Variants in ASB15 observed in about 807,000 individuals in gnomAD.
ASB15 encodes ankyrin repeat and SOCS box containing 15.
Under a neutral mutation model 58.0 loss-of-function variants are expected in ASB15, and 54 were observed. The observed-to-expected ratio is 0.93, with a 90% CI of 0.75 to 1.17. The LOEUF is 1.17. ASB15 is among the 50% of genes most tolerant of loss of function. ASB15 has a pLI of 0.00. For synonymous variants in ASB15, 249 were observed against 262.4 expected, an observed-to-expected ratio of 0.95 and a Z score of 0.50; for missense variants, 680 against 707.4, an observed-to-expected ratio of 0.96 and a Z score of 0.44.
chr7:123,615,281 A>G (rs1298907787), intron 4 of ASB15: 2 of 152,194 alleles, frequency 1.3e-5, no homozygotes, highest in Admixed American at 1.3e-4. Context: ...AAAACACATT[A>G]TACGTCTGAG....
intron 7 of ASB15, among the ~76,000 whole-genome samples, chr7:123,623,395 G>C (rs544617036): frequency 2.0e-5 from 3 of 152,218 alleles, no homozygotes; most frequent in East Asian, 1.9e-4. Context: ...AATCCAAAAG[G>C]GGAAAACCTT....
At chr7:123,609,794 G>A (rs1358703920) in intron 3 of ASB15, among the ~76,000 whole-genome samples, 1 of 152,186 alleles carries the variant, frequency 6.6e-6, no homozygotes, top group East Asian at 1.9e-4. Context: ...TTTACAGGAA[G>A]GCATTAGCTC....
intron 1 of ASB15, among the ~76,000 whole-genome samples, chr7:123,592,484 G>A (rs1042929310): frequency 6.6e-6 from 1 of 152,130 alleles, no homozygotes; most frequent in Non-Finnish European, 1.5e-5. Flanking sequence ...GGTACGTTGT[G>A]TCTTTGTTCT....
intron 11 of ASB15, among the ~76,000 whole-genome samples, chr7:123,630,829 A>G (rs894755941): frequency 6.6e-6 from 1 of 152,236 alleles, no homozygotes; most frequent in Non-Finnish European, 1.5e-5. Flanking sequence ...AGAATTTTAT[A>G]TGACATTTAA....
At chr7:123,574,527 T>C (rs1799010474) in intron 1 of ASB15, among the ~76,000 whole-genome samples, 1 of 152,180 alleles carries the variant, frequency 6.6e-6, no homozygotes, top group African/African-American at 2.4e-5. Context: ...TGAACCACAC[T>C]TTAAGAACCG....
chr7:123,589,770 C>T (rs577882061), intron 1 of ASB15, among the ~76,000 whole-genome samples: 9 of 152,192 alleles, frequency 5.9e-5, no homozygotes, highest in Admixed American at 5.9e-4. Context: ...AAGAGGGCCA[C>T]AATAAACATA....
At chr7:123,574,864 C>G (rs2116288180) in intron 1 of ASB15, among the ~76,000 whole-genome samples, 1 of 151,914 alleles carries the variant, frequency 6.6e-6, no homozygotes, top group East Asian at 1.9e-4. Flanking sequence ...TTTATTTTTT[C>G]TATTTCAGTC....
At position 123,624,772 on chromosome 7, in the gene ASB15, G is replaced by A. The variant is rs749905829; in HGVS notation, c.655G>A (p.Glu219Lys). The A allele has an allele frequency of 9.9e-6, 16 of 1,613,852 alleles. No homozygotes were observed. The highest frequency in any genetic ancestry group is 1.2e-5 in the Non-Finnish European group (14 of 1,179,886). Residue 219 changes from glutamate to lysine, a missense_variant, in exon 8 of 12, where the codon GAG becomes AAG. Transcript: ENST00000451215. ...FGVTPLGVAA[E>K]YGHCDVLEHL... is the part of the protein sequence containing the mutation. ...AGTCACACCACTAGGCGTCGCTGCC[G>A]AGTATGGTCACTGTGACGTGTTAGA...
intron 1 of ASB15, among the ~76,000 whole-genome samples, chr7:123,603,244 C>T (rs187760535): frequency 2.0e-5 from 3 of 152,228 alleles, no homozygotes; most frequent in Non-Finnish European, 4.4e-5. Context: ...GTGTCTAGCC[C>T]TGTGCCTGGA....
intron 1 of ASB15, among the ~76,000 whole-genome samples, chr7:123,579,787 C>T (rs1799174755): frequency 6.6e-6 from 1 of 151,980 alleles, no homozygotes; most frequent in Non-Finnish European, 1.5e-5. Flanking sequence ...AGACTCCCAG[C>T]TTGTCATTAT....
chr7:123,616,612 T>C, intron 6 of ASB15, 117 bp downstream of exon 6: 1 of 1,254,892 alleles, frequency 8.0e-7, no homozygotes, highest in East Asian at 2.7e-5. Context: ...AAAATATTAT[T>C]TGGAATTTGA....
Position 123,639,288 on chromosome 7 carries a change from T to A in ASB15, c.*2307T>A, listed in dbSNP as rs1273489674. Reference sequence around the variant, plus strand: ...TATTCCCTAGAGGATATATTTTATATGTAAGTTAAACTGTAATGTATTTAT... The same window carrying A: ...TATTCCCTAGAGGATATATTTTATAAGTAAGTTAAACTGTAATGTATTTAT... On this transcript the variant is annotated 3_prime_UTR_variant, in exon 12 of 12. Transcript: ENST00000451215. 6.6e-6 allele frequency: 1 copy of A among 152,212 alleles called. No homozygotes were observed. The highest frequency in any genetic ancestry group is 1.5e-5 in the Non-Finnish European group (1 of 68,024). The allele number at this position is 152,212 out of a possible 1,614,324, so 9.4% of individuals were successfully genotyped here. A position where few individuals can be genotyped will look rare whatever the true frequency, so the allele number is the denominator to read the frequency against.
chr7:123,630,218 T>C, intron 11 of ASB15, 99 bp downstream of exon 11: 1 of 849,576 alleles, frequency 1.2e-6, no homozygotes, highest in Non-Finnish European at 1.7e-6. Flanking sequence ...GCTACTCTAC[T>C]GTATTTCCAG....
Position 123,637,861 on chromosome 7 carries a change from CAT to C in ASB15, c.*881_*882del, listed in dbSNP as rs1273191684. 1.7e-5 allele frequency: 1 copy of C among 59,660 alleles called. No individual in the cohort carries two copies. Among genetic ancestry groups the C allele is most frequent in the African/African-American group, 5.8e-5 (1 of 17,250 alleles). The allele number at this position is 59,660 out of a possible 1,614,324, so 3.7% of individuals were successfully genotyped here. On this transcript the variant is annotated 3_prime_UTR_variant, in exon 12 of 12. Coordinates refer to ENST00000451215, the MANE Select transcript of ASB15 (RefSeq NM_001290258.2). The stretch of plus-strand genomic sequence containing the variant: ...GAACACAAAGACACCTCAAATTCAA[CAT>C]GTCCCCAGATGAACTAAAAAAAAAA...
intron 1 of ASB15, among the ~76,000 whole-genome samples, chr7:123,578,645 TGAGA>T (rs931023359): frequency 1.6e-4 from 25 of 152,242 alleles, no homozygotes; most frequent in African/African-American, 5.8e-4. Flanking sequence ...TCTGAGCTAA[TGAGA>T]GAGATTGCTG....
upstream of ASB15, among the ~76,000 whole-genome samples, chr7:123,597,613 C>T (rs1446043425): frequency 6.6e-6 from 1 of 152,110 alleles, no homozygotes; most frequent in African/African-American, 2.4e-5. Flanking sequence ...GGGCAGATCA[C>T]TTGAGGTCAG....
chr7:123,618,329 A>T (rs1265750638), intron 7 of ASB15, among the ~76,000 whole-genome samples: 2 of 152,222 alleles, frequency 1.3e-5, no homozygotes, highest in African/African-American at 4.8e-5. Flanking sequence ...GCAGAGAGTG[A>T]TAAGATTAAC....
intron 1 of ASB15, among the ~76,000 whole-genome samples, chr7:123,572,204 C>T (rs191644060): frequency 2.1e-4 from 28 of 131,550 alleles, no homozygotes; most frequent in East Asian, 6.9e-4. Context: ...TGCAGTGACG[C>T]GATCTTGCCT....
chr7:123,590,214 G>T (rs569699294), intron 1 of ASB15, among the ~76,000 whole-genome samples: 1 of 152,198 alleles, frequency 6.6e-6, no homozygotes, highest in Non-Finnish European at 1.5e-5. Flanking sequence ...GTAGATTCTG[G>T]TTATTCACCC....
Sources: gnomAD v4.1 joint callset for allele counts (sites outside exome capture counted in the v4.1 genomes callset) on GRCh38, gnomAD v4.1.1 for gene constraint, MANE v1.5 for transcripts, NCBI Gene and HGNC (gene_info 2026-07-23, HGNC 2026-07-21) for gene names.